The following THADA variants were observed in gnomAD, a reference collection of about 807,000 sequenced individuals.
The protein encoded by THADA is THADA armadillo repeat containing.
In THADA, 213 loss-of-function variants were observed where a neutral mutation model predicts 219.8. That is an observed-to-expected ratio of 0.97 (90% CI 0.87 to 1.09). THADA has a LOEUF of 1.09. THADA is among the 50% of genes least tolerant of loss of function. The pLI, the probability that THADA is intolerant of heterozygous loss-of-function variation, is 0.00. For synonymous variants in THADA, 1,018 were observed against 828.9 expected, an observed-to-expected ratio of 1.23 and a Z score of -3.92; for missense variants, 2,956 against 2,311.3, an observed-to-expected ratio of 1.28 and a Z score of -5.72.
At chr2:43,433,873 G>T (rs1318460931) in intron 26 of THADA, among the ~76,000 whole-genome samples, 6 of 152,138 alleles carry the variant, frequency 3.9e-5, no homozygotes, top group African/African-American at 7.2e-5. Flanking sequence ...ATTTTTAGTA[G>T]AGATGAGGTT....
intron 30 of THADA, among the ~76,000 whole-genome samples, chr2:43,336,520 C>A (rs894649378): frequency 2.6e-5 from 4 of 152,066 alleles, no homozygotes; most frequent in Admixed American, 6.5e-5. Flanking sequence ...GACCCACCTG[C>A]CTCAGCCTCC....
chr2:43,591,869 C>G (rs555196023), intron 3 of THADA, 83 bp downstream of exon 3: 21 of 945,904 alleles, frequency 2.2e-5, no homozygotes, highest in Middle Eastern at 2.9e-4. Flanking sequence ...AATTAGGGAC[C>G]AAAAACTGTC....
chr2:43,389,047 C>G (rs1673043383), intron 29 of THADA, among the ~76,000 whole-genome samples: 1 of 152,140 alleles, frequency 6.6e-6, no homozygotes, highest in Admixed American at 6.5e-5. Context: ...CTACCCACTT[C>G]CCGCATATTA....
At chr2:43,503,799 A>T (rs986779923) in intron 24 of THADA, among the ~76,000 whole-genome samples, 1 of 152,166 alleles carries the variant, frequency 6.6e-6, no homozygotes, top group Non-Finnish European at 1.5e-5. Flanking sequence ...CATAAAAATG[A>T]TCACTAAAAT....
At chr2:43,356,466 T>C (rs189550499) in intron 29 of THADA, among the ~76,000 whole-genome samples, 33 of 152,284 alleles carry the variant, frequency 2.2e-4, no homozygotes, top group African/African-American at 7.7e-4. Context: ...AACTTTTATA[T>C]AGCAAAAACT....
intron 4 of THADA, among the ~76,000 whole-genome samples, chr2:43,589,861 A>T (rs1042011885): frequency 1.4e-5 from 2 of 141,352 alleles, no homozygotes; most frequent in African/African-American, 2.8e-5. Flanking sequence ...AAGAATTCAT[A>T]AAAAAAAAAG....
chr2:43,238,381 C>T (rs1668283944), intron 36 of THADA, among the ~76,000 whole-genome samples: 1 of 152,092 alleles, frequency 6.6e-6, no homozygotes, highest in East Asian at 1.9e-4. Flanking sequence ...AGATGCTTAG[C>T]ATCATTAATC....
At chr2:43,544,519 C>T (rs1695760917) in intron 20 of THADA, among the ~76,000 whole-genome samples, 1 of 152,132 alleles carries the variant, frequency 6.6e-6, no homozygotes, top group Non-Finnish European at 1.5e-5. Context: ...ATGGAATGTT[C>T]TTCCATTTCC....
chr2:43,522,244 G>A (rs1188319507), intron 22 of THADA, among the ~76,000 whole-genome samples: 1 of 152,146 alleles, frequency 6.6e-6, no homozygotes, highest in Non-Finnish European at 1.5e-5. Context: ...AAAATGATTT[G>A]CCCAAATGAA....
chr2:43,506,482 G>T (rs985993630), intron 23 of THADA, among the ~76,000 whole-genome samples: 2 of 152,090 alleles, frequency 1.3e-5, no homozygotes, highest in Non-Finnish European at 2.9e-5. Context: ...ACAAAAGATC[G>T]TATACTGTAT....
At chr2:43,374,715 G>A (rs1360181611) in intron 29 of THADA, among the ~76,000 whole-genome samples, 3 of 151,980 alleles carry the variant, frequency 2.0e-5, no homozygotes, top group Non-Finnish European at 2.9e-5. Flanking sequence ...AATTAAATAT[G>A]TTATATATAG....
At chr2:43,465,280 T>C (rs1684104056) in intron 26 of THADA, among the ~76,000 whole-genome samples, 1 of 152,216 alleles carries the variant, frequency 6.6e-6, no homozygotes, top group East Asian at 1.9e-4. Context: ...CCATTGAACT[T>C]GTTTAATCCA....
chr2:43,492,781 A>C (rs1167475905), intron 25 of THADA, among the ~76,000 whole-genome samples: 1 of 152,234 alleles, frequency 6.6e-6, no homozygotes, highest in East Asian at 1.9e-4. Flanking sequence ...CCTATGATTA[A>C]AGGGAGGGCC....
rs975615243 is a variant in THADA at position 43,535,696 on chromosome 2, A to G, written c.3264+5463T>C. Among the ~76,000 whole-genome samples the G allele has an allele frequency of 4.0e-5, 6 of 151,694 alleles. No homozygotes were observed. The South Asian group carries it at 8.3e-4, about 21-fold the overall frequency. On this transcript the variant is annotated intron_variant, in intron 21 of 37. Coordinates refer to ENST00000405975, the MANE Select transcript of THADA (RefSeq NM_022065.5). Reference sequence around the variant, plus strand: ...GACTCAAAAAAAAAAAAAAAAAAAAAAAAAGAAAAAATCTTTTCCCAGATC... The same window carrying G: ...GACTCAAAAAAAAAAAAAAAAAAAAGAAAAGAAAAAATCTTTTCCCAGATC...
intron 1 of THADA, chr2:43,592,862 T>A (rs1206278753): frequency 1.3e-5 from 2 of 152,694 alleles, no homozygotes; most frequent in African/African-American, 4.8e-5. Flanking sequence ...CTCATTAGAC[T>A]AAGAGGAGGT....
At position 43,586,443 on chromosome 2, in the gene THADA, T is replaced by C. The variant is rs371217345; in HGVS notation, c.491A>G (p.His164Arg). Residue 164 changes from histidine (H) to arginine (R), a missense_variant, in exon 7 of 38, where the codon CAT becomes CGT. By Grantham distance (29) the His-to-Arg change is conservative (BLOSUM62 0). Transcript: ENST00000405975. ...SVNNLLKNVLHFLQKSLIEIL... is the reference protein window; with the variant it reads ...SVNNLLKNVLRFLQKSLIEIL... ...TTCAATTAAACTCTTCTGCAGAAAA[T>C]GAAGCACTGAAACAAAAAGAATATG... The C allele has an allele frequency of 5.1e-6, 8 of 1,575,468 alleles. No individual in the cohort carries two copies. The highest frequency in any genetic ancestry group is 6.0e-6 in the Non-Finnish European group (7 of 1,161,586).
rs1022526982 is a variant in THADA, at chr2:43,559,494, T to C, written c.2463+740A>G. ...CTGCAGCAGAAACCCTCGGCCTTTA[T>C]AGAGCTCTAATAGAAAGCCATAGCT... On this transcript the variant is annotated intron_variant, in intron 16 of 37. Transcript: ENST00000405975. 2.0e-5 allele frequency among the ~76,000 whole-genome samples: 3 copies of C among 152,286 alleles called. No individual in the cohort carries two copies. In the South Asian group the frequency reaches 6.2e-4, roughly 32 times the overall value.
Position 43,527,875 on chromosome 2 carries a change from T to A in THADA, c.3374+4A>T, listed in dbSNP as rs1202374490. 1.3e-6 allele frequency: 2 copies of A among 1,590,074 alleles called. No homozygotes were observed. The highest frequency in any genetic ancestry group is 1.7e-6 in the Non-Finnish European group (2 of 1,160,120). ...AAACGTACACAAAAGGATATTTGTT[T>A]TACCTGTTTAGTACTTCAGTGAGTT... On this transcript the variant is annotated splice_donor_region_variant and intron_variant, in intron 22 of 37. Transcript: ENST00000405975.
rs191332500 is a variant in THADA at position 43,336,533 on chromosome 2, A to C, written c.4343+7589T>G. Among the ~76,000 whole-genome samples, 131 of 151,910 alleles carry C rather than the reference A, an allele frequency of 8.6e-4. 1 individual carries two copies. In the East Asian group the frequency reaches 0.016, roughly 18 times the overall value. On this transcript the variant is annotated intron_variant, in intron 30 of 37. Transcript: ENST00000405975. Reference sequence around the variant, plus strand: ...GTGACCCACCTGCCTCAGCCTCCCAAAGTGCTGGGGTAACAAGTATGAGCC... The same window carrying C: ...GTGACCCACCTGCCTCAGCCTCCCACAGTGCTGGGGTAACAAGTATGAGCC...
Sources: gnomAD v4.1 joint callset for allele counts (sites outside exome capture counted in the v4.1 genomes callset) on GRCh38, gnomAD v4.1.1 for gene constraint, MANE v1.5 for transcripts, NCBI Gene and HGNC (gene_info 2026-07-23, HGNC 2026-07-21) for gene names.